NCOA3: variants seen among roughly 807,000 people sequenced by gnomAD.
NCOA3 encodes nuclear receptor coactivator 3.
In NCOA3, 51 loss-of-function variants were observed where a neutral mutation model predicts 158.8. The ratio of observed to expected loss-of-function variants is 0.32; its 90% CI spans 0.26 to 0.41. The LOEUF (loss-of-function observed/expected upper bound fraction) is 0.41. NCOA3 is among the 10% of genes least tolerant of loss of function. The probability of loss-of-function intolerance (pLI) is 1.00; values close to 1 mark genes in which losing one functional copy is unlikely to be tolerated. For missense variants in NCOA3, 1,510 were observed against 1,746.6 expected (o/e 0.86, Z 2.41); for synonymous variants, 537 against 592.4 (o/e 0.91, Z 1.36).
intron 17 of NCOA3, 26 bp downstream of exon 17, chr20:47,642,410 G>A: frequency 6.4e-7 from 1 of 1,562,768 alleles, no homozygotes; most frequent in Non-Finnish European, 8.7e-7. Context: ...ATGGAAGTAG[G>A]AGAGTGTATA....
chr20:47,642,294 G>A lies in NCOA3; in HGVS notation c.3162G>A (p.Leu1054=), dbSNP rs2086624165. 6.2e-7 allele frequency: 1 copy of A among 1,613,412 alleles called. No homozygotes were observed. The highest frequency in any genetic ancestry group is 1.3e-5 in the African/African-American group (1 of 74,850). Residue 1054 remains leucine (L), a synonymous_variant, in exon 17 of 23, where the codon TTG becomes TTA. Transcript: ENST00000371998. The part of the protein sequence containing the change: ...LEGQSDERAL[L]DQLHTLLSNT... The stretch of plus-strand genomic sequence containing the variant: ...GCCAGAGTGACGAAAGAGCATTATT[G>A]GACCAGCTGCACACTCTTCTCAGCA...
intron 11 of NCOA3, 60 bp downstream of exon 11, chr20:47,635,773 C>T (rs2086502913): frequency 2.0e-6 from 3 of 1,509,344 alleles, no homozygotes; most frequent in Non-Finnish European, 2.7e-6. Context: ...TCTTTCCATA[C>T]TACTATAATT....
At chr20:47,518,195 A>G (rs77862778) in intron 1 of NCOA3, among the ~76,000 whole-genome samples, 329 of 151,994 alleles carry the variant, frequency 2.2e-3, no homozygotes, top group Non-Finnish European at 3.6e-3. Context: ...AAAAAAAAAA[A>G]ATTAGCTGGG....
At chr20:47,505,922 C>T (rs1373750629) in intron 1 of NCOA3, among the ~76,000 whole-genome samples, 1 of 151,704 alleles carries the variant, frequency 6.6e-6, no homozygotes, top group Non-Finnish European at 1.5e-5. Flanking sequence ...GTGCTTCAGC[C>T]CCTGCCCGAG....
chr20:47,609,658 G>A (rs1364562250), intron 2 of NCOA3, among the ~76,000 whole-genome samples: 12 of 151,686 alleles, frequency 7.9e-5, no homozygotes, highest in Non-Finnish European at 1.8e-4. Flanking sequence ...GAACTCGGGA[G>A]GCAGAGATTG....
At chr20:47,592,247 G>T (rs1378538924) in intron 2 of NCOA3, among the ~76,000 whole-genome samples, 1 of 152,126 alleles carries the variant, frequency 6.6e-6, no homozygotes, top group Non-Finnish European at 1.5e-5. Flanking sequence ...GTTTTGCCAT[G>T]TTGGCCAGGC....
intron 1 of NCOA3, among the ~76,000 whole-genome samples, chr20:47,557,807 G>A (rs1311304561): frequency 2.0e-5 from 3 of 152,110 alleles, no homozygotes; most frequent in Non-Finnish European, 2.9e-5. Context: ...TTAACTTGAG[G>A]AACCAATGAT....
At chr20:47,611,077 A>G (rs942140455) in intron 2 of NCOA3, among the ~76,000 whole-genome samples, 2 of 152,196 alleles carry the variant, frequency 1.3e-5, no homozygotes, top group African/African-American at 2.4e-5. Context: ...TTTGGTTACC[A>G]GGTGGCTAAT....
In NCOA3 at chr20:47,547,302, T is replaced by A. The variant is rs145916234; in HGVS notation, c.-98-35881T>A. Among the ~76,000 whole-genome samples, 667 of 152,188 alleles carry A rather than the reference T, an allele frequency of 4.4e-3. 5 individuals are homozygous for A. Among genetic ancestry groups the A allele is most frequent in the African/African-American group, 0.016 (646 of 41,532 alleles). ...CCCTTCTCTTACCCCATCTGTGGCG[T>A]TAAGATGTTTTTCTGGGTCACAGCA... On this transcript the variant is annotated intron_variant, in intron 1 of 22. Coordinates refer to ENST00000371998, the MANE Select transcript of NCOA3 (RefSeq NM_181659.3).
intron 6 of NCOA3, 90 bp from the exon 7 acceptor site, chr20:47,627,471 A>T (rs1034526822): frequency 9.9e-7 from 1 of 1,013,556 alleles, no homozygotes. Flanking sequence ...GAAAACATGC[A>T]TAATGAGAAA....
In NCOA3 at chr20:47,572,508, C is replaced by T. The variant is rs572343084; in HGVS notation, c.-98-10675C>T. Among the ~76,000 whole-genome samples, 12 of 152,006 alleles carry T rather than the reference C, an allele frequency of 7.9e-5. No homozygotes were observed. In the East Asian group the frequency reaches 1.9e-3, roughly 24 times the overall value. ...CCTCAGCTTTTTGACATGCCTTCCTCACTAAGCTTAATCATTTCTAGCCCC... is the reference window on the plus strand; with the variant it reads ...CCTCAGCTTTTTGACATGCCTTCCTTACTAAGCTTAATCATTTCTAGCCCC... On this transcript the variant is annotated intron_variant, in intron 1 of 22. Transcript: ENST00000371998.
At chr20:47,615,460 G>A (rs528673566) in intron 2 of NCOA3, among the ~76,000 whole-genome samples, 3 of 152,270 alleles carry the variant, frequency 2.0e-5, no homozygotes, top group South Asian at 4.1e-4. Context: ...CTAATTTGCT[G>A]TGTATAATCA....
rs2086350048 is a variant in NCOA3, at chr20:47,627,990, C to T, written c.790C>T (p.Pro264Ser). ...AGGAGAAAGAACATTTCCATCAAAC[C>T]CTGAGAGCTTTATTACCAGACATGA... ...TTGERTFPSN[P>S]ESFITRHDLS... Residue 264 changes from proline to serine, a missense_variant, in exon 8 of 23, where the codon CCT becomes TCT. Pro to Ser is a moderately conservative substitution (Grantham distance 74). This residue lies in a region of NCOA3 where 309 missense variants were observed against 427.1 expected (regional missense o/e 0.72). Coordinates refer to ENST00000371998, the MANE Select transcript of NCOA3 (RefSeq NM_181659.3). The T allele has an allele frequency of 6.2e-7, 1 of 1,613,786 alleles. No individual in the cohort carries two copies. The highest frequency in any genetic ancestry group is 1.1e-5 in the South Asian group (1 of 91,068).
At chr20:47,626,491 ATTC>A (rs1414053649) in intron 5 of NCOA3, among the ~76,000 whole-genome samples, 1 of 126,742 alleles carries the variant, frequency 7.9e-6, no homozygotes, top group Non-Finnish European at 1.6e-5. Context: ...ACCCCCAATT[ATTC>A]TTCTTTTTTT....
At chr20:47,567,060 GTA>G (rs2085208578) in intron 1 of NCOA3, among the ~76,000 whole-genome samples, 1 of 145,450 alleles carries the variant, frequency 6.9e-6, no homozygotes, top group Admixed American at 7.0e-5. Context: ...ATGTATGTAT[GTA>G]TTTTGAGACG....
chr20:47,637,619 C>G, intron 12 of NCOA3, 29 bp from the exon 13 acceptor site: 1 of 1,573,250 alleles, frequency 6.4e-7, no homozygotes, highest in Non-Finnish European at 8.6e-7. Flanking sequence ...GTAATGTATA[C>G]AGGTTAATTT....
chr20:47,588,278 G>A (rs768982442), intron 2 of NCOA3, among the ~76,000 whole-genome samples: 1 of 151,460 alleles, frequency 6.6e-6, no homozygotes, highest in Admixed American at 6.6e-5. Context: ...GCAACTACAG[G>A]TGCGTGCCAC....
chr20:47,539,593 G>A (rs2084689820), intron 1 of NCOA3, among the ~76,000 whole-genome samples: 1 of 152,178 alleles, frequency 6.6e-6, no homozygotes, highest in Non-Finnish European at 1.5e-5. Context: ...CTTGTTTTCT[G>A]TTCATATGAT....
intron 20 of NCOA3, 78 bp downstream of exon 20, chr20:47,651,354 T>C: frequency 6.6e-7 from 1 of 1,518,154 alleles, no homozygotes; most frequent in South Asian, 1.3e-5. Flanking sequence ...TTATTGCACA[T>C]GAAAGACAAA....
Sources: gnomAD v4.1 joint callset for allele counts (sites outside exome capture counted in the v4.1 genomes callset) on GRCh38, gnomAD v4.1.1 for gene constraint, gnomAD v4.1.1 regional missense constraint, MANE v1.5 for transcripts, NCBI Gene and HGNC (gene_info 2026-07-23, HGNC 2026-07-21) for gene names.